The following ORC5 variants were observed in gnomAD, a reference collection of about 807,000 sequenced individuals.
ORC5 encodes the protein origin recognition complex subunit 5, also known as protein phosphatase 1, regulatory subunit 117.
A neutral mutation model predicts 58.8 loss-of-function variants in ORC5; 39 were observed. The ratio of observed to expected loss-of-function variants is 0.66; its 90% CI spans 0.51 to 0.87. The LOEUF (loss-of-function observed/expected upper bound fraction) is 0.87. Ranked by LOEUF, ORC5 falls within the 40% of genes least tolerant of loss-of-function variation. The pLI, the probability that ORC5 is intolerant of heterozygous loss-of-function variation, is 0.00. For synonymous variants in ORC5, 218 were observed against 177.6 expected (o/e 1.23, Z -1.81); for missense variants, 493 against 506.3 (o/e 0.97, Z 0.25).
At chr7:104,147,538 C>T (rs796296428) in intron 12 of ORC5, among the ~76,000 whole-genome samples, 13 of 152,042 alleles carry the variant, frequency 8.6e-5, no homozygotes, top group African/African-American at 3.1e-4. Context: ...CCCATCAGGA[C>T]TTGAAACTTT....
At chr7:104,166,745 A>C (rs1310769964) in intron 10 of ORC5, 27 bp downstream of exon 10, 1 of 1,189,880 alleles carries the variant, frequency 8.4e-7, no homozygotes, top group Non-Finnish European at 1.2e-6. Flanking sequence ...TTAAAAAATA[A>C]AGTGAAAAGA....
chr7:104,168,384 G>T, intron 9 of ORC5, 89 bp downstream of exon 9: 3 of 1,531,836 alleles, frequency 2.0e-6, no homozygotes, highest in Non-Finnish European at 1.8e-6. Context: ...ACTATTTCCT[G>T]ACTGAATGCT....
intron 12 of ORC5, among the ~76,000 whole-genome samples, chr7:104,144,313 TAC>T (rs1425139504): frequency 6.6e-6 from 1 of 152,110 alleles, no homozygotes; most frequent in African/African-American, 2.4e-5. Flanking sequence ...ACTGGAAAAA[TAC>T]ATATAAAACT....
intron 1 of ORC5, among the ~76,000 whole-genome samples, chr7:104,206,907 G>C (rs1350360898): frequency 6.6e-6 from 1 of 152,174 alleles, no homozygotes; most frequent in East Asian, 1.9e-4. Flanking sequence ...ACACCATACA[G>C]CCTAGGTGTA....
chr7:104,181,191 C>T (rs1799424459), intron 8 of ORC5, among the ~76,000 whole-genome samples: 1 of 152,036 alleles, frequency 6.6e-6, no homozygotes, highest in African/African-American at 2.4e-5. Context: ...TAGTTTTTTG[C>T]TTGTTTTTGT....
chr7:104,132,786 A>G (rs921475662), intron 13 of ORC5, among the ~76,000 whole-genome samples: 1 of 152,176 alleles, frequency 6.6e-6, no homozygotes, highest in African/African-American at 2.4e-5. Flanking sequence ...AACTTGTTAC[A>G]TATAATGAAG....
intron 8 of ORC5, among the ~76,000 whole-genome samples, chr7:104,170,433 T>C (rs530955634): frequency 1.3e-5 from 2 of 152,290 alleles, no homozygotes; most frequent in South Asian, 4.1e-4. Context: ...AGGATCCTTC[T>C]AAGAGGAAGA....
chr7:104,144,712 G>A (rs748660698), intron 12 of ORC5, among the ~76,000 whole-genome samples: 10 of 152,186 alleles, frequency 6.6e-5, no homozygotes, highest in Admixed American at 1.3e-4. Context: ...AGCTGAGATC[G>A]TGCCACTGTA....
chr7:104,165,159 C>A lies in ORC5; in HGVS notation c.1038+76G>T. 6 of 731,638 alleles carry A rather than the reference C, an allele frequency of 8.2e-6. No homozygotes were observed. In the East Asian group the frequency reaches 1.7e-4, roughly 20 times the overall value. The allele number at this position is 731,638 out of a possible 1,614,324, so 45.3% of individuals were successfully genotyped here. On this transcript the variant is annotated intron_variant, in intron 11 of 13. Transcript: ENST00000297431. ...AGTTCCTATATTCAAATGACAAATA[C>A]AATTACAGATGTATCTATTTCCTAT...
chr7:104,179,870 A>C (rs1799399467), intron 8 of ORC5, among the ~76,000 whole-genome samples: 1 of 152,088 alleles, frequency 6.6e-6, no homozygotes, highest in African/African-American at 2.4e-5. Context: ...GTACACCTTT[A>C]ATCTTGATTG....
chr7:104,189,167 ACT>A lies in ORC5; in HGVS notation c.554-788_554-787del, dbSNP rs560846370. On this transcript the variant is annotated intron_variant, in intron 5 of 13. Coordinates refer to ENST00000297431, the MANE Select transcript of ORC5 (RefSeq NM_002553.4). ...ATTAGAGCCCTGTATTGTCACATAC[ACT>A]GCTATGAAGAAATACCCATGACTGG... Among the ~76,000 whole-genome samples, 58 of 152,188 alleles carry A rather than the reference ACT, an allele frequency of 3.8e-4. No individual in the cohort carries two copies. The South Asian group carries it at 0.011, about 29-fold the overall frequency.
chr7:104,189,138 A>T (rs1251687705), intron 5 of ORC5, among the ~76,000 whole-genome samples: 1 of 152,096 alleles, frequency 6.6e-6, no homozygotes, highest in African/African-American at 2.4e-5. Context: ...GAACCAACCA[A>T]GTGATTAGAG....
intron 4 of ORC5, 116 bp from the exon 5 acceptor site, chr7:104,195,370 T>C: frequency 1.8e-6 from 1 of 546,858 alleles, no homozygotes; most frequent in South Asian, 2.8e-5. Context: ...CTATAACAAA[T>C]TATTTGCATA....
intron 9 of ORC5, chr7:104,168,010 T>C (rs1281585521): frequency 6.4e-6 from 1 of 155,240 alleles, no homozygotes; most frequent in Non-Finnish European, 1.4e-5. Flanking sequence ...TAAGTAAAAT[T>C]AGTTCTATTT....
chr7:104,166,357 T>C (rs763112066), intron 10 of ORC5, among the ~76,000 whole-genome samples: 1 of 151,492 alleles, frequency 6.6e-6, no homozygotes, highest in Non-Finnish European at 1.5e-5. Flanking sequence ...ACATAGTGGG[T>C]AAAGAAGAAG....
chr7:104,157,739 C>T (rs924504810), intron 12 of ORC5, among the ~76,000 whole-genome samples: 2 of 152,004 alleles, frequency 1.3e-5, no homozygotes, highest in African/African-American at 2.4e-5. Flanking sequence ...ACAGAAAATG[C>T]TCTACGAATG....
intron 8 of ORC5, among the ~76,000 whole-genome samples, chr7:104,176,748 A>G (rs1295863989): frequency 2.6e-5 from 4 of 152,228 alleles, no homozygotes; most frequent in Admixed American, 6.5e-5. Context: ...TATAAAAATA[A>G]ATAAGCAAGC....
In ORC5 at chr7:104,207,927, G is replaced by A. The variant is rs200777403; in HGVS notation, c.-23C>T. On this transcript the variant is annotated 5_prime_UTR_variant, in exon 1 of 14. Coordinates refer to ENST00000297431, the MANE Select transcript of ORC5 (RefSeq NM_002553.4). ...CATTCTGGCAGGCACCACCGCAGAG[G>A]CCAGTGCAGCCAGCCCACAGGACCC... 4 of 1,608,718 alleles carry A rather than the reference G, an allele frequency of 2.5e-6. No individual in the cohort carries two copies. Among genetic ancestry groups the A allele is most frequent in the Admixed American group, 3.3e-5 (2 of 59,988 alleles).
intron 10 of ORC5, among the ~76,000 whole-genome samples, chr7:104,166,385 C>G (rs961163980): frequency 6.6e-6 from 1 of 152,186 alleles, no homozygotes; most frequent in East Asian, 1.9e-4. Context: ...CAACTCTAAA[C>G]TGGGATTTCT....
Sources: allele counts gnomAD v4.1 joint callset (sites outside exome capture counted in the v4.1 genomes callset), GRCh38; gene constraint gnomAD v4.1.1; transcripts MANE v1.5; gene names NCBI Gene and HGNC (gene_info 2026-07-23, HGNC 2026-07-21).